TTC34: variants seen among roughly 807,000 people sequenced by gnomAD.
TTC34 encodes the protein tetratricopeptide repeat protein 34.
TTC34 carries 44 observed loss-of-function variants against 40.7 expected under a neutral mutation model. The ratio of observed to expected loss-of-function variants is 1.08; its 90% CI spans 0.85 to 1.39. TTC34 has a LOEUF of 1.39. Among genes scored for constraint, TTC34 ranks in the 40% most tolerant of loss-of-function variants. The pLI is 0.00. For missense variants in TTC34, 884 were observed against 838.0 expected (o/e 1.05, Z -0.68); for synonymous variants, 422 against 398.6 (o/e 1.06, Z -0.70).
At chr1:2,686,746 TG>T (rs1640372086) in intron 6 of TTC34, among the ~76,000 whole-genome samples, 1 of 142,742 alleles carries the variant, frequency 7.0e-6, no homozygotes. Context: ...TCTGACAGCC[TG>T]GAACGGCACC....
chr1:2,653,422 C>G (rs1192034370), intron 6 of TTC34, among the ~76,000 whole-genome samples: 1 of 152,056 alleles, frequency 6.6e-6, no homozygotes, highest in Non-Finnish European at 1.5e-5. Flanking sequence ...AGGTGAGCAT[C>G]TGACAGCCTG....
At chr1:2,684,307 C>A (rs1372521768) in intron 6 of TTC34, among the ~76,000 whole-genome samples, 1 of 136,796 alleles carries the variant, frequency 7.3e-6, no homozygotes, top group Admixed American at 7.4e-5. Context: ...CCTGGGTCGG[C>A]ACCCACACCC....
exon 9 of TTC34, chr1:2,638,386 T>G (rs1638832233): frequency 6.6e-6 from 1 of 152,252 alleles, no homozygotes; most frequent in African/African-American, 2.4e-5. Flanking sequence ...TCACATTAGC[T>G]GCTGGAAATG....
At position 2,684,541 on chromosome 1, in the gene TTC34, G is replaced by A. The variant is rs374155328; in HGVS notation, c.2227-38978C>T. ...CCCCCAGGTGAGCATCCGACATCCT[G>A]AAACAGCTCCCACAACCCCAGGTGA... On this transcript the variant is annotated intron_variant, in intron 6 of 8. Coordinates refer to ENST00000401095, the Ensembl canonical transcript of TTC34. Among the ~76,000 whole-genome samples the A allele has an allele frequency of 1.4e-5, 2 of 145,684 alleles. 1 individual carries two copies. The highest frequency in any genetic ancestry group is 5.4e-5 in the African/African-American group (2 of 36,958).
chr1:2,798,098 A>AGCCTCCC (rs1643728567), intron 2 of TTC34, among the ~76,000 whole-genome samples: 1 of 28,216 alleles, frequency 3.5e-5, no homozygotes, highest in Admixed American at 3.2e-4. Context: ...CCCAGCCTCC[A>AGCCTCCC]AGCCTCTGAG....
intron 8 of TTC34, among the ~76,000 whole-genome samples, chr1:2,642,925 C>T (rs1354131000): frequency 1.3e-5 from 2 of 152,236 alleles, no homozygotes; most frequent in Non-Finnish European, 2.9e-5. Flanking sequence ...CTGAGCAGGG[C>T]AGGGGCTCGA....
intron 6 of TTC34, among the ~76,000 whole-genome samples, chr1:2,677,626 T>A (rs1570792794): frequency 1.6e-4 from 23 of 140,042 alleles, no homozygotes; most frequent in African/African-American, 3.3e-4. Context: ...GGTGAGCATC[T>A]GACAGCCTGG....
At chr1:2,686,968 A>G (rs1370246668) in intron 6 of TTC34, among the ~76,000 whole-genome samples, 7 of 147,356 alleles carry the variant, frequency 4.8e-5, no homozygotes, top group East Asian at 4.0e-4. Context: ...CCACACTGCC[A>G]GGCGAGCATC....
At chr1:2,675,546 TGGAAGAGCA>T (rs1639878765) in intron 6 of TTC34, among the ~76,000 whole-genome samples, 1 of 132,224 alleles carries the variant, frequency 7.6e-6, no homozygotes, top group Non-Finnish European at 1.6e-5. Flanking sequence ...CGTGACAGCC[TGGAAGAGCA>T]CCCACACCCC....
chr1:2,749,523 T>C (rs1164607235), intron 6 of TTC34, among the ~76,000 whole-genome samples: 15 of 14,994 alleles, frequency 1.0e-3, no homozygotes, highest in South Asian at 3.9e-3. Flanking sequence ...AGCACCCAGA[T>C]TCCCAGGCAA....
intron 6 of TTC34, among the ~76,000 whole-genome samples, chr1:2,647,657 CTTTTA>C (rs199658430): frequency 0.014 from 2,090 of 151,598 alleles, 23 homozygotes; most frequent in Admixed American, 0.024. Context: ...TTTTTTCTTT[CTTTTA>C]TTTTGAGAGG....
intron 3 of TTC34, among the ~76,000 whole-genome samples, chr1:2,788,861 G>T (rs1407947657): frequency 2.0e-5 from 3 of 152,194 alleles, no homozygotes; most frequent in Admixed American, 1.3e-4. Context: ...GGAGGCCCGG[G>T]TGGGAGGATC....
chr1:2,765,723 C>T lies in TTC34; in HGVS notation c.2226+17886G>A, dbSNP rs1257196272. The stretch of plus-strand genomic sequence containing the variant: ...CTGGAGCAGCATGCACACCCCCAGG[C>T]GAGCATCTGACAGCCTGGAGCAGCG... On this transcript the variant is annotated intron_variant, in intron 6 of 8. Coordinates refer to ENST00000401095, the Ensembl canonical transcript of TTC34. 2.0e-3 allele frequency among the ~76,000 whole-genome samples: 57 copies of T among 28,092 alleles called. 1 individual carries two copies. Among genetic ancestry groups the T allele is most frequent in the South Asian group, 4.8e-3 (2 of 414 alleles). The allele number at this position is 28,092 out of a possible 152,430, so 18.4% of individuals were successfully genotyped here.
chr1:2,784,296 C>G (rs1010260100), intron 5 of TTC34, among the ~76,000 whole-genome samples: 1 of 152,160 alleles, frequency 6.6e-6, no homozygotes, highest in African/African-American at 2.4e-5. Context: ...AAGATCAAAG[C>G]CTTTAAGACT....
chr1:2,683,633 C>T lies in TTC34; in HGVS notation c.2227-38070G>A, dbSNP rs1190634483. On this transcript the variant is annotated intron_variant, in intron 6 of 8. Transcript: ENST00000401095. The stretch of plus-strand genomic sequence containing the variant: ...TGACATCCTTCAGCAGCACCCACAC[C>T]CCCAGGTGAGCATCTGACAGCCTGG... 2.0e-4 allele frequency among the ~76,000 whole-genome samples: 30 copies of T among 147,386 alleles called. No homozygotes were observed. The South Asian group carries it at 5.9e-3, about 29-fold the overall frequency.
At chr1:2,756,997 GC>G in intron 6 of TTC34, among the ~76,000 whole-genome samples, 1 of 140,212 alleles carries the variant, frequency 7.1e-6, no homozygotes, top group South Asian at 2.3e-4. Context: ...GCCCAGGTGA[GC>G]CTCTGACAGC....
exon 6 of TTC34, chr1:2,783,733 T>C (rs1489095202): frequency 1.2e-5 from 19 of 1,542,620 alleles, no homozygotes; most frequent in East Asian, 2.5e-5. Flanking sequence ...CAGGAACCCA[T>C]AGCAGCGGGC....
intron 2 of TTC34, among the ~76,000 whole-genome samples, chr1:2,794,577 G>A (rs760214366): frequency 4.6e-5 from 7 of 151,980 alleles, no homozygotes; most frequent in Non-Finnish European, 8.8e-5. Context: ...CTTCCTTTCT[G>A]GTCTTACATG....
At chr1:2,755,069 G>A (rs1213345367) in intron 6 of TTC34, among the ~76,000 whole-genome samples, 8 of 23,588 alleles carry the variant, frequency 3.4e-4, no homozygotes, top group Admixed American at 4.4e-4. Context: ...ACCCCCAGGT[G>A]CGCACGTGAC....
Sources: gnomAD v4.1 joint callset for allele counts (sites outside exome capture counted in the v4.1 genomes callset) on GRCh38, gnomAD v4.1.1 for gene constraint, MANE v1.5 for transcripts, NCBI Gene and HGNC (gene_info 2026-07-23, HGNC 2026-07-21) for gene names.